The following EEFSEC variants were observed in gnomAD, a reference collection of about 807,000 sequenced individuals.
EEFSEC encodes selenocysteine-specific elongation factor.
EEFSEC carries 43 observed loss-of-function variants against 42.1 expected under a neutral mutation model. That is an observed-to-expected ratio of 1.02 (90% CI 0.80 to 1.32). The LOEUF is 1.32. Among genes scored for constraint, EEFSEC ranks in the 40% most tolerant of loss-of-function variants. The pLI is 0.00. For synonymous variants in EEFSEC, 354 were observed against 339.1 expected (o/e 1.04, Z -0.48); for missense variants, 745 against 803.6 (o/e 0.93, Z 0.88).
At chr3:128,349,489 G>C (rs2067357153) in intron 5 of EEFSEC, among the ~76,000 whole-genome samples, 1 of 152,226 alleles carries the variant, frequency 6.6e-6, no homozygotes, top group Non-Finnish European at 1.5e-5. Flanking sequence ...TTTCAGGACT[G>C]TGTGAACATG....
At chr3:128,335,057 G>A (rs2067175486) in intron 4 of EEFSEC, among the ~76,000 whole-genome samples, 1 of 152,244 alleles carries the variant, frequency 6.6e-6, no homozygotes, top group African/African-American at 2.4e-5. Flanking sequence ...CCCTGTTCCT[G>A]CAGCTGTGAA....
intron 1 of EEFSEC, among the ~76,000 whole-genome samples, chr3:128,210,675 C>G (rs1357365560): frequency 1.3e-5 from 2 of 152,196 alleles, no homozygotes; most frequent in African/African-American, 4.8e-5. Context: ...GAAAGCTAGC[C>G]TCAGATTCAG....
intron 1 of EEFSEC, among the ~76,000 whole-genome samples, chr3:128,181,845 G>T (rs1489085098): frequency 6.6e-6 from 1 of 152,084 alleles, no homozygotes; most frequent in Admixed American, 6.5e-5. Context: ...ACGAAGTCTC[G>T]CTCTATTGCT....
chr3:128,247,670 A>G (rs1014596143), intron 2 of EEFSEC, among the ~76,000 whole-genome samples: 9 of 152,314 alleles, frequency 5.9e-5, no homozygotes, highest in Admixed American at 2.0e-4. Flanking sequence ...TCTTGTGGAA[A>G]GTAGGAAGTT....
chr3:128,385,607 A>G (rs552421766), intron 6 of EEFSEC, among the ~76,000 whole-genome samples: 196 of 152,292 alleles, frequency 1.3e-3, no homozygotes, highest in African/African-American at 4.2e-3. Context: ...GGACACTAAC[A>G]TTTACTACAT....
chr3:128,275,551 T>A (rs773433731), intron 4 of EEFSEC, among the ~76,000 whole-genome samples: 11 of 151,832 alleles, frequency 7.2e-5, no homozygotes, highest in Non-Finnish European at 1.5e-4. Context: ...GGGGCTGGGG[T>A]GGTCAGGCAG....
chr3:128,361,133 A>C (rs1445725165), intron 6 of EEFSEC, among the ~76,000 whole-genome samples: 1 of 152,136 alleles, frequency 6.6e-6, no homozygotes, highest in Admixed American at 6.5e-5. Context: ...GATGCACTTC[A>C]TGGGCCTCGC....
At chr3:128,339,723 G>A (rs1016882326) in intron 4 of EEFSEC, among the ~76,000 whole-genome samples, 1 of 152,140 alleles carries the variant, frequency 6.6e-6, no homozygotes, top group Non-Finnish European at 1.5e-5. Flanking sequence ...GTGTTAGTCC[G>A]TTTTCACGCT....
chr3:128,217,688 C>G (rs1437334062), intron 1 of EEFSEC, among the ~76,000 whole-genome samples: 2 of 152,166 alleles, frequency 1.3e-5, no homozygotes, highest in African/African-American at 2.4e-5. Flanking sequence ...ACCAGCCCCC[C>G]CTGGTCCCCC....
intron 4 of EEFSEC, among the ~76,000 whole-genome samples, chr3:128,300,713 G>A (rs1000039877): frequency 3.3e-5 from 5 of 152,148 alleles, no homozygotes; most frequent in African/African-American, 9.7e-5. Flanking sequence ...ACATACATAT[G>A]TATAGACTAT....
chr3:128,202,321 T>C (rs1389039970), intron 1 of EEFSEC, among the ~76,000 whole-genome samples: 1 of 152,222 alleles, frequency 6.6e-6, no homozygotes, highest in Admixed American at 6.5e-5. Context: ...TTCCAATCTA[T>C]GAACTTAGCA....
rs953584617 is a variant in EEFSEC, at chr3:128,191,881, C to T, written c.316+38058C>T. ...CTATTAATGGGCACTTGGGTTGTTT[C>T]CACCTTTTGCCTGTTGTGAATAGTG... On this transcript the variant is annotated intron_variant, in intron 1 of 6. Coordinates refer to ENST00000254730, the MANE Select transcript of EEFSEC (RefSeq NM_021937.5). Among the ~76,000 whole-genome samples the T allele has an allele frequency of 2.3e-4, 35 of 152,120 alleles. 1 individual carries two copies. The highest frequency in any genetic ancestry group is 1.3e-3 in the Admixed American group (20 of 15,274).
chr3:128,170,391 G>A (rs964750191), intron 1 of EEFSEC, among the ~76,000 whole-genome samples: 1 of 151,572 alleles, frequency 6.6e-6, no homozygotes, highest in African/African-American at 2.4e-5. Context: ...ACGAAACCCC[G>A]TCTCTACTAA....
chr3:128,311,974 A>G (rs1307949556), intron 4 of EEFSEC, among the ~76,000 whole-genome samples: 1 of 152,050 alleles, frequency 6.6e-6, no homozygotes. Flanking sequence ...CAACCTCTCT[A>G]TGTTGGAATC....
At chr3:128,379,033 A>C (rs1048434239) in intron 6 of EEFSEC, among the ~76,000 whole-genome samples, 5 of 152,208 alleles carry the variant, frequency 3.3e-5, no homozygotes, top group African/African-American at 1.2e-4. Context: ...CCCTGTAAAA[A>C]TGAAAACAAA....
At chr3:128,241,468 C>G (rs1426992773) in intron 1 of EEFSEC, among the ~76,000 whole-genome samples, 1 of 152,156 alleles carries the variant, frequency 6.6e-6, no homozygotes, top group East Asian at 1.9e-4. Context: ...ACCTCAGCCT[C>G]CCAAAGTGCT....
intron 1 of EEFSEC, among the ~76,000 whole-genome samples, chr3:128,189,578 G>A (rs1229354069): frequency 6.0e-5 from 8 of 133,396 alleles, no homozygotes; most frequent in Non-Finnish European, 7.7e-5. Context: ...TTTTTTTTCC[G>A]AGCCAGGGTC....
chr3:128,415,641 C>T, the EEFSEC span, among the ~76,000 whole-genome samples: 6,586 of 152,294 alleles, frequency 0.043, 481 homozygotes, highest in African/African-American at 0.15. Context: ...CCCTCGCCGC[C>T]GGGGCCCATG....
intron 4 of EEFSEC, among the ~76,000 whole-genome samples, chr3:128,327,238 G>A (rs1286668889): frequency 2.0e-5 from 3 of 151,862 alleles, no homozygotes; most frequent in Non-Finnish European, 4.4e-5. Flanking sequence ...CTCCTGGGAG[G>A]TATCAAGAAC....
Sources: gnomAD v4.1 joint callset for allele counts (sites outside exome capture counted in the v4.1 genomes callset) on GRCh38, gnomAD v4.1.1 for gene constraint, MANE v1.5 for transcripts, NCBI Gene and HGNC (gene_info 2026-07-23, HGNC 2026-07-21) for gene names.